Variants in SPATA6L observed in about 807,000 individuals in gnomAD.
SPATA6L encodes the protein spermatogenesis associated 6 like.
SPATA6L carries 68 observed loss-of-function variants against 49.2 expected under a neutral mutation model. That is an observed-to-expected ratio of 1.38 (90% CI 1.14 to 1.69). The LOEUF (loss-of-function observed/expected upper bound fraction) is 1.69, where lower values mean the gene tolerates loss of function less well. Among genes scored for constraint, SPATA6L ranks in the 40% most tolerant of loss-of-function variants. SPATA6L has a pLI of 0.00. For missense variants in SPATA6L, 668 were observed against 464.3 expected (o/e 1.44, Z -4.03); for synonymous variants, 198 against 165.7 (o/e 1.19, Z -1.50).
At chr9:4,617,203 C>T (rs1368487931) in intron 9 of SPATA6L, among the ~76,000 whole-genome samples, 2 of 152,130 alleles carry the variant, frequency 1.3e-5, no homozygotes, top group East Asian at 1.9e-4. Flanking sequence ...TTCTTATTCT[C>T]GTCACTAATA....
At position 4,617,942 on chromosome 9, in the gene SPATA6L, G is replaced by A. The variant is rs1256012828; in HGVS notation, c.976C>T (p.Gln326Ter). The change falls in exon 9 of 12, where the codon CAG becomes TAG. Residue 326 changes from glutamine (Q) to a stop codon, truncating the protein, a stop_gained. Coordinates refer to ENST00000682582, the MANE Select transcript of SPATA6L (RefSeq NM_001353486.2). LOFTEE classifies it high-confidence loss of function. The stretch of plus-strand genomic sequence containing the variant: ...ACTGACCTTTCTCTGAGAAGGGGCT[G>A]ATCCAAGGGGCCAGGAGAGGTGGAA... The part of the protein sequence containing the change: ...QHSTSPGPLD[Q>*]PLLRERFHPG... 10 of 1,612,864 alleles carry A rather than the reference G, an allele frequency of 6.2e-6. No individual in the cohort carries two copies. Among genetic ancestry groups the A allele is most frequent in the Non-Finnish European group, 6.8e-6 (8 of 1,179,416 alleles).
intron 2 of SPATA6L, 94 bp downstream of exon 2, chr9:4,661,805 A>G (rs1287634549): frequency 2.1e-6 from 3 of 1,406,678 alleles, no homozygotes; most frequent in Non-Finnish European, 2.9e-6. Context: ...TTTAAAAATG[A>G]AATTTACCAA....
chr9:4,651,568 A>G (rs1836857639), intron 3 of SPATA6L, among the ~76,000 whole-genome samples: 1 of 152,232 alleles, frequency 6.6e-6, no homozygotes, highest in South Asian at 2.1e-4. Context: ...AATATCTCTT[A>G]TGATTGTAAA....
At chr9:4,657,850 C>A (rs1160501893) in intron 2 of SPATA6L, among the ~76,000 whole-genome samples, 1 of 152,186 alleles carries the variant, frequency 6.6e-6, no homozygotes, top group African/African-American at 2.4e-5. Context: ...TTGGTGGCAT[C>A]TGTTTGGTAA....
intron 9 of SPATA6L, among the ~76,000 whole-genome samples, chr9:4,612,036 G>C (rs981964453): frequency 1.3e-5 from 2 of 151,716 alleles, no homozygotes; most frequent in African/African-American, 4.8e-5. Flanking sequence ...TAAGAGATAG[G>C]GTCTTGCTAC....
intron 4 of SPATA6L, among the ~76,000 whole-genome samples, chr9:4,629,898 G>A (rs1194753335): frequency 2.0e-5 from 3 of 151,130 alleles, no homozygotes; most frequent in Non-Finnish European, 2.9e-5. Flanking sequence ...GCAAAAACTA[G>A]AAACAATCCA....
At chr9:4,664,443 G>A (rs554009639) in intron 1 of SPATA6L, 1 of 166,990 alleles carries the variant, frequency 6.0e-6, no homozygotes, top group East Asian at 1.9e-4. Flanking sequence ...GCTATACCAG[G>A]CACAAGATAA....
chr9:4,650,543 G>C (rs1011127722), intron 3 of SPATA6L, among the ~76,000 whole-genome samples: 1 of 152,044 alleles, frequency 6.6e-6, no homozygotes, highest in Admixed American at 6.6e-5. Context: ...TGTTTAAAAT[G>C]ATCAATAAAA....
rs1436335874 is a variant in SPATA6L, at chr9:4,616,288, A to G, written c.995+1635T>C. Reference sequence around the variant, plus strand: ...CAAGACCCCATCTCGAAAAAAAATAATAATAATTAATTTAAAAAAATAGGT... The same window carrying G: ...CAAGACCCCATCTCGAAAAAAAATAGTAATAATTAATTTAAAAAAATAGGT... On this transcript the variant is annotated intron_variant, in intron 9 of 11. Transcript: ENST00000682582. 2.0e-5 allele frequency among the ~76,000 whole-genome samples: 3 copies of G among 152,130 alleles called. No individual in the cohort carries two copies. The East Asian group carries it at 5.8e-4, about 29-fold the overall frequency.
intron 11 of SPATA6L, among the ~76,000 whole-genome samples, chr9:4,601,040 T>C (rs765570336): frequency 7.9e-5 from 12 of 152,330 alleles, no homozygotes; most frequent in Non-Finnish European, 1.8e-4. Flanking sequence ...AATATCAGGA[T>C]GATGACAGAG....
downstream of SPATA6L, among the ~76,000 whole-genome samples, chr9:4,593,528 C>T (rs936872454): frequency 6.6e-6 from 1 of 152,062 alleles, no homozygotes; most frequent in Non-Finnish European, 1.5e-5. Flanking sequence ...TTTTCCTTTT[C>T]TTGCCAAATT....
chr9:4,663,488 T>C (rs1324350782), intron 1 of SPATA6L: 1 of 521,310 alleles, frequency 1.9e-6, no homozygotes, highest in African/African-American at 1.9e-5. Flanking sequence ...AATCCTCTAT[T>C]GTATATTTAT....
rs182938611 is a variant in SPATA6L at position 4,600,238 on chromosome 9, A to G, written c.*573T>C. Among the ~76,000 whole-genome samples the G allele has an allele frequency of 6.6e-6, 1 of 152,336 alleles. No individual in the cohort carries two copies. The highest frequency in any genetic ancestry group is 1.9e-4 in the East Asian group (1 of 5,184). The stretch of plus-strand genomic sequence containing the variant: ...CTCCTCTTACAAATTTATCACAGAC[A>G]TTCAACATCTAAAACAAGATCTGAA... On this transcript the variant is annotated 3_prime_UTR_variant, in exon 12 of 12. Transcript: ENST00000682582.
chr9:4,629,232 T>A, intron 4 of SPATA6L, 64 bp from the exon 5 acceptor site: 1 of 1,135,100 alleles, frequency 8.8e-7, no homozygotes, highest in Non-Finnish European at 1.3e-6. Context: ...CATCTCCTTC[T>A]AACTTGAAAT....
In SPATA6L at chr9:4,606,513, G is replaced by A. The variant is rs557641990; in HGVS notation, c.996-1073C>T. ...CCCCTGACCCCCGAGCAGCCTAACT[G>A]GGAGGCACCCCCCAGCAGGGGCACA... On this transcript the variant is annotated intron_variant, in intron 9 of 11. Coordinates refer to ENST00000682582, the MANE Select transcript of SPATA6L (RefSeq NM_001353486.2). 3.9e-3 allele frequency among the ~76,000 whole-genome samples: 157 copies of A among 40,464 alleles called. 64 individuals carry two copies. In the South Asian group the frequency reaches 0.11, roughly 27 times the overall value. 26.5% of individuals were successfully genotyped at this position (40,464 alleles called of 152,430 possible). A position where few individuals can be genotyped will look rare whatever the true frequency, so the allele number is the denominator to read the frequency against.
intron 5 of SPATA6L, chr9:4,628,201 G>T: frequency 5.4e-6 from 1 of 184,978 alleles, no homozygotes; most frequent in Non-Finnish European, 1.1e-5. Context: ...GAACAACAGG[G>T]TGACTATAGT....
Position 4,605,287 on chromosome 9 carries a change from T to G in SPATA6L, c.1089+60A>C, listed in dbSNP as rs1008049375. The G allele has an allele frequency of 1.0e-5, 13 of 1,300,296 alleles. 1 individual carries two copies. Among genetic ancestry groups the G allele is most frequent in the Middle Eastern group, 1.8e-4 (1 of 5,460 alleles). 80.5% of individuals were successfully genotyped at this position (1,300,296 alleles called of 1,614,324 possible). ...AATGTCTGTCTCCCCGACTAGACTG[T>G]AGGTCCCTGTTCACATATTATTTAG... is the stretch of plus-strand genomic sequence containing the variant. On this transcript the variant is annotated intron_variant, in intron 10 of 11. Coordinates refer to ENST00000682582, the MANE Select transcript of SPATA6L (RefSeq NM_001353486.2).
intron 3 of SPATA6L, among the ~76,000 whole-genome samples, chr9:4,649,778 G>C (rs1453789426): frequency 6.6e-6 from 1 of 152,202 alleles, no homozygotes; most frequent in Non-Finnish European, 1.5e-5. Context: ...GAGTGACCTA[G>C]AGAATGGTTG....
chr9:4,657,499 C>G (rs1210960963), intron 2 of SPATA6L, among the ~76,000 whole-genome samples: 1 of 151,038 alleles, frequency 6.6e-6, no homozygotes, highest in East Asian at 1.9e-4. Flanking sequence ...AGACTGGTGT[C>G]CTTAGGAAGG....
Sources: gnomAD v4.1 joint callset for allele counts (sites outside exome capture counted in the v4.1 genomes callset) on GRCh38, gnomAD v4.1.1 for gene constraint, MANE v1.5 for transcripts, NCBI Gene and HGNC (gene_info 2026-07-23, HGNC 2026-07-21) for gene names.